The following CATSPERT variants were observed in gnomAD, a reference collection of about 807,000 sequenced individuals.
CATSPERT encodes the protein cation channel sperm-associated targeting subunit tau.
chr2:201,563,005 T>G, the CATSPERT span, among the ~76,000 whole-genome samples: 1 of 151,152 alleles, frequency 6.6e-6, no homozygotes, highest in African/African-American at 2.4e-5. Context: ...ATTGTCATCC[T>G]GGCCCGTTCT....
At chr2:201,492,853 C>T in the CATSPERT span, 2 of 1,536,496 alleles carry the variant, frequency 1.3e-6, no homozygotes, top group Non-Finnish European at 1.7e-6. Context: ...TTCTGAAAGT[C>T]TTTCTACAAG....
the CATSPERT span, chr2:201,619,007 G>A: frequency 5.0e-6 from 8 of 1,614,104 alleles, no homozygotes; most frequent in Non-Finnish European, 6.8e-6. Flanking sequence ...CCTTTAATGT[G>A]CATGATATCC....
At chr2:201,487,868 A>T in the CATSPERT span, 12 of 1,612,130 alleles carry the variant, frequency 7.4e-6, no homozygotes, top group African/African-American at 1.1e-4. Context: ...AAATGAGGTC[A>T]TGTCATGTAA....
chr2:201,522,290 G>C, the CATSPERT span, among the ~76,000 whole-genome samples: 274 of 152,208 alleles, frequency 1.8e-3, no homozygotes, highest in Non-Finnish European at 3.4e-3. Context: ...TCTTATAACT[G>C]ATCAATGAAT....
chr2:201,501,228 G>C, the CATSPERT span, among the ~76,000 whole-genome samples: 1 of 151,252 alleles, frequency 6.6e-6, no homozygotes, highest in Non-Finnish European at 1.5e-5. Flanking sequence ...GAGAAACCCC[G>C]TCTCTACTAA....
the CATSPERT span, among the ~76,000 whole-genome samples, chr2:201,560,486 T>C: frequency 7.4e-3 from 1,085 of 146,388 alleles, 4 homozygotes; most frequent in Non-Finnish European, 0.013. Context: ...ACAACAACAA[T>C]AATAATAATG....
the CATSPERT span, among the ~76,000 whole-genome samples, chr2:201,495,142 T>C: frequency 1.3e-5 from 2 of 151,956 alleles, no homozygotes; most frequent in African/African-American, 4.8e-5. Flanking sequence ...GCTACATTCA[T>C]AGCAATGTAG....
the CATSPERT span, among the ~76,000 whole-genome samples, chr2:201,601,056 T>TA: frequency 2.6e-4 from 40 of 151,526 alleles, no homozygotes; most frequent in Middle Eastern, 3.4e-3. Flanking sequence ...AGCCATTTTT[T>TA]AAAAAGTTTT....
chr2:201,500,414 T>C, the CATSPERT span, among the ~76,000 whole-genome samples: 3 of 152,058 alleles, frequency 2.0e-5, no homozygotes, highest in Admixed American at 1.3e-4. Flanking sequence ...CTTGGGAGGC[T>C]GAGGCAGGAG....
chr2:201,609,977 A>C, the CATSPERT span, among the ~76,000 whole-genome samples: 1 of 152,206 alleles, frequency 6.6e-6, no homozygotes, highest in South Asian at 2.1e-4. Flanking sequence ...AAAAGGAAAT[A>C]TAACTATGTC....
chr2:201,513,243 A>G, the CATSPERT span, among the ~76,000 whole-genome samples: 2 of 152,192 alleles, frequency 1.3e-5, no homozygotes, highest in Admixed American at 6.5e-5. Context: ...TTGAACAAAC[A>G]AAAAACAATC....
the CATSPERT span, chr2:201,537,464 T>C: frequency 6.3e-7 from 1 of 1,590,692 alleles, no homozygotes. Context: ...AGCTTCCTCA[T>C]TTACAAGAGG....
chr2:201,511,944 T>C, the CATSPERT span: 1 of 151,922 alleles, frequency 6.6e-6, no homozygotes, highest in Non-Finnish European at 1.5e-5. Context: ...GTGACTTGTT[T>C]GTGAAGCAAT....
the CATSPERT span, among the ~76,000 whole-genome samples, chr2:201,495,215 T>C: frequency 1.7e-4 from 26 of 152,080 alleles, no homozygotes; most frequent in Non-Finnish European, 1.6e-4. Context: ...TCATGAAAAG[T>C]ATCATAAATA....
the CATSPERT span, among the ~76,000 whole-genome samples, chr2:201,617,005 T>A: frequency 6.6e-6 from 1 of 152,202 alleles, no homozygotes; most frequent in African/African-American, 2.4e-5. Context: ...TTACAAGGGA[T>A]GTGAAGGTTC....
At chr2:201,534,990 A>G in the CATSPERT span, 1 of 454,156 alleles carries the variant, frequency 2.2e-6, no homozygotes. Flanking sequence ...AAGAAAGACT[A>G]AAAGAAAATA....
chr2:201,516,271 C>T, the CATSPERT span, among the ~76,000 whole-genome samples: 1 of 152,170 alleles, frequency 6.6e-6, no homozygotes, highest in Non-Finnish European at 1.5e-5. Flanking sequence ...TTTCACACTG[C>T]TCTAAAGAAC....
At chr2:201,595,533 TTGGAGTACTCGGCCG>T in the CATSPERT span, among the ~76,000 whole-genome samples, 2 of 152,188 alleles carry the variant, frequency 1.3e-5, no homozygotes, top group South Asian at 4.2e-4. Context: ...TGCAGGTCTG[TTGGAGTACTCGGCCG>T]TGTGAGGTGT....
At chr2:201,619,163 C>A in the CATSPERT span, 1 of 1,608,556 alleles carries the variant, frequency 6.2e-7, no homozygotes, top group Non-Finnish European at 8.5e-7. Flanking sequence ...CTGCGCCCAA[C>A]CGACGGCCCG....
Sources: allele counts gnomAD v4.1 joint callset (sites outside exome capture counted in the v4.1 genomes callset), GRCh38; gene constraint gnomAD v4.1.1; transcripts MANE v1.5; gene names NCBI Gene and HGNC (gene_info 2026-07-23, HGNC 2026-07-21).